DCTN4: variants seen among roughly 807,000 people sequenced by gnomAD.
The protein encoded by DCTN4 is dynactin 4 (p62).
A neutral mutation model predicts 62.7 loss-of-function variants in DCTN4; 23 were observed. That is an observed-to-expected ratio of 0.37 (90% CI 0.26 to 0.52). The LOEUF (loss-of-function observed/expected upper bound fraction) is 0.52, where lower values mean the gene tolerates loss of function less well. Among genes scored for constraint, DCTN4 ranks in the 20% least tolerant of loss-of-function variants. The pLI is 0.92. For synonymous variants in DCTN4, 199 were observed against 202.1 expected (o/e 0.98, Z 0.13); for missense variants, 514 against 580.4 (o/e 0.89, Z 1.18).
chr5:150,721,347 T>C (rs1759949430), intron 9 of DCTN4, among the ~76,000 whole-genome samples: 1 of 152,242 alleles, frequency 6.6e-6, no homozygotes, highest in Non-Finnish European at 1.5e-5. Context: ...CATTAATATA[T>C]TCTAAAACAC....
chr5:150,712,484 G>C (rs2151465150), intron 12 of DCTN4, among the ~76,000 whole-genome samples: 1 of 152,274 alleles, frequency 6.6e-6, no homozygotes, highest in East Asian at 1.9e-4. Context: ...CTGGAGAGCA[G>C]TGGCACGATC....
intron 3 of DCTN4, among the ~76,000 whole-genome samples, chr5:150,751,695 C>G (rs1752682211): frequency 6.6e-6 from 1 of 152,110 alleles, no homozygotes; most frequent in Non-Finnish European, 1.5e-5. Context: ...AGGTAAATAG[C>G]TACCCACCAA....
chr5:150,726,641 GT>G (rs1166326451), intron 8 of DCTN4, among the ~76,000 whole-genome samples: 12 of 152,102 alleles, frequency 7.9e-5, no homozygotes, highest in African/African-American at 2.9e-4. Flanking sequence ...CAAAAATACA[GT>G]TTTATCATAT....
intron 9 of DCTN4, among the ~76,000 whole-genome samples, chr5:150,720,833 T>C (rs1759933015): frequency 6.6e-6 from 1 of 152,082 alleles, no homozygotes; most frequent in African/African-American, 2.4e-5. Context: ...CAGAAAAAAA[T>C]CACTTTTTCT....
rs1185672864 is a variant in DCTN4, at chr5:150,711,313, T to C, written c.1219A>G (p.Thr407Ala). Residue 407 changes from threonine to alanine, a missense_variant, in exon 13 of 13, where the codon ACA becomes GCA. Physicochemically the swap from Thr to Ala is moderately conservative, Grantham distance 58. Coordinates refer to ENST00000447998, the MANE Select transcript of DCTN4 (RefSeq NM_016221.4). ...ACTTCACCCTCCTCACGCTGTGGTGTAACTTTGATGAAAATACCCACTTTG... is the reference window on the plus strand; with the variant it reads ...ACTTCACCCTCCTCACGCTGTGGTGCAACTTTGATGAAAATACCCACTTTG... ...ANKVGIFIKV[T>A]PQREEGEVTV... 3 of 1,613,436 alleles carry C rather than the reference T, an allele frequency of 1.9e-6. No homozygotes were observed. Among genetic ancestry groups the C allele is most frequent in the Non-Finnish European group, 2.5e-6 (3 of 1,180,026 alleles).
chr5:150,733,509 A>C, intron 4 of DCTN4, 34 bp from the exon 5 acceptor site: 1 of 1,516,372 alleles, frequency 6.6e-7, no homozygotes, highest in Non-Finnish European at 9.1e-7. Context: ...TACACAAAAA[A>C]GCTAACAGAA....
intron 5 of DCTN4, chr5:150,731,962 G>A (rs1232866413): frequency 6.6e-7 from 1 of 1,507,394 alleles, no homozygotes; most frequent in African/African-American, 1.4e-5. Flanking sequence ...TGCAGCATAA[G>A]ATAGAAGCAA....
Position 150,738,225 on chromosome 5 carries a change from T to A in DCTN4, c.429+3889A>T, listed in dbSNP as rs1760648883. Among the ~76,000 whole-genome samples the A allele has an allele frequency of 1.3e-5, 2 of 152,134 alleles. 1 individual carries two copies. The highest frequency in any genetic ancestry group is 4.1e-4 in the South Asian group (2 of 4,836). The stretch of plus-strand genomic sequence containing the variant: ...ATTTTTATGAATCCTACTGAAACTA[T>A]TCCAAAAGATAAAGAGGGAATCCTC... On this transcript the variant is annotated intron_variant, in intron 4 of 12. Coordinates refer to ENST00000447998, the MANE Select transcript of DCTN4 (RefSeq NM_016221.4).
chr5:150,727,631 C>G lies in DCTN4; in HGVS notation c.834+3000G>C, dbSNP rs576443787. On this transcript the variant is annotated intron_variant, in intron 8 of 12. Transcript: ENST00000447998. The stretch of plus-strand genomic sequence containing the variant: ...CTCTACTAAAAATACAAAAAATTAG[C>G]CGGGCGTGGTGGCGGGCGCCTGTAG... 2.2e-4 allele frequency among the ~76,000 whole-genome samples: 33 copies of G among 151,714 alleles called. No individual in the cohort carries two copies. The East Asian group carries it at 5.6e-3, about 26-fold the overall frequency.
chr5:150,733,334 G>A, intron 5 of DCTN4, 34 bp downstream of exon 5: 1 of 1,491,006 alleles, frequency 6.7e-7, no homozygotes, highest in Non-Finnish European at 9.3e-7. Context: ...AGGCCTTAGA[G>A]GTCTTGCAAA....
chr5:150,747,600 C>T (rs1445370562), intron 3 of DCTN4, among the ~76,000 whole-genome samples: 1 of 152,062 alleles, frequency 6.6e-6, no homozygotes, highest in South Asian at 2.1e-4. Flanking sequence ...AGATGTAGAT[C>T]AATGGAACAG....
chr5:150,747,112 T>A (rs199753234), intron 3 of DCTN4, among the ~76,000 whole-genome samples: 1 of 152,012 alleles, frequency 6.6e-6, no homozygotes, highest in Non-Finnish European at 1.5e-5. Context: ...AAAATCAATG[T>A]ACAAAAATCA....
At chr5:150,744,739 A>C (rs1392893692) in intron 3 of DCTN4, among the ~76,000 whole-genome samples, 7 of 152,126 alleles carry the variant, frequency 4.6e-5, no homozygotes, top group Non-Finnish European at 7.4e-5. Flanking sequence ...CAAGCAAATG[A>C]TGAGAGATTT....
chr5:150,723,852 T>G (rs576775504), intron 8 of DCTN4, among the ~76,000 whole-genome samples: 1 of 152,228 alleles, frequency 6.6e-6, no homozygotes, highest in Admixed American at 6.5e-5. Flanking sequence ...ATTCTCTTGC[T>G]TTTTTCATTT....
intron 12 of DCTN4, among the ~76,000 whole-genome samples, chr5:150,715,246 A>G (rs1384468798): frequency 6.6e-6 from 1 of 152,202 alleles, no homozygotes; most frequent in Non-Finnish European, 1.5e-5. Context: ...TCATATAATT[A>G]AAAATTTCTT....
At position 150,755,345 on chromosome 5, in the gene DCTN4, T is replaced by C. The variant is rs564610790; in HGVS notation, c.206+1072A>G. 3.0e-3 allele frequency among the ~76,000 whole-genome samples: 455 copies of C among 152,318 alleles called. 1 individual carries two copies. Among genetic ancestry groups the C allele is most frequent in the African/African-American group, 9.9e-3 (410 of 41,568 alleles). ...GACAGGGGAGCATAATTCTCTAGTC[T>C]TTATGGGCTGTGACAGTAATTTTCC... is the stretch of plus-strand genomic sequence containing the variant. On this transcript the variant is annotated intron_variant, in intron 2 of 12. Coordinates refer to ENST00000447998, the MANE Select transcript of DCTN4 (RefSeq NM_016221.4).
At chr5:150,735,193 C>G (rs1221418419) in intron 4 of DCTN4, among the ~76,000 whole-genome samples, 1 of 149,124 alleles carries the variant, frequency 6.7e-6, no homozygotes, top group East Asian at 1.9e-4. Flanking sequence ...CTTGAAAGCG[C>G]CACCTCCTGG....
chr5:150,711,667 G>A (rs1298311482), intron 12 of DCTN4, among the ~76,000 whole-genome samples: 5 of 151,990 alleles, frequency 3.3e-5, no homozygotes, highest in African/African-American at 1.2e-4. Context: ...CACCACACCT[G>A]GCTAGCTTTA....
chr5:150,741,488 T>G (rs1402558739), intron 4 of DCTN4, among the ~76,000 whole-genome samples: 4 of 148,278 alleles, frequency 2.7e-5, no homozygotes, highest in Non-Finnish European at 4.5e-5. Flanking sequence ...CCGCATTCTT[T>G]TTCTTTTTTT....
Sources: gnomAD v4.1 joint callset for allele counts (sites outside exome capture counted in the v4.1 genomes callset) on GRCh38, gnomAD v4.1.1 for gene constraint, MANE v1.5 for transcripts, NCBI Gene and HGNC (gene_info 2026-07-23, HGNC 2026-07-21) for gene names.